CALN1: variants seen among roughly 807,000 people sequenced by gnomAD.
The protein encoded by CALN1 is calcium-binding protein 8.
CALN1 carries 17 observed loss-of-function variants against 30.6 expected under a neutral mutation model. The ratio of observed to expected loss-of-function variants is 0.56; its 90% CI spans 0.38 to 0.83. CALN1 has a LOEUF of 0.83. Among genes scored for constraint, CALN1 ranks in the 40% least tolerant of loss-of-function variants. The probability of loss-of-function intolerance (pLI) is 0.00; values close to 1 mark genes in which losing one functional copy is unlikely to be tolerated. For missense variants in CALN1, 291 were observed against 354.9 expected (o/e 0.82, Z 1.45); for synonymous variants, 156 against 131.4 (o/e 1.19, Z -1.28).
intron 4 of CALN1, among the ~76,000 whole-genome samples, chr7:72,092,758 A>G (rs780490025): frequency 6.6e-6 from 1 of 152,092 alleles, no homozygotes. Context: ...ACCCTTTGAT[A>G]ATAATCATGG....
intron 2 of CALN1, among the ~76,000 whole-genome samples, chr7:72,341,499 G>A (rs933137756): frequency 2.0e-5 from 3 of 151,988 alleles, no homozygotes; most frequent in Non-Finnish European, 2.9e-5. Flanking sequence ...CTCCAGTCTG[G>A]GCAACAGAGC....
chr7:72,270,453 T>C (rs967925249), intron 3 of CALN1, among the ~76,000 whole-genome samples: 8 of 152,196 alleles, frequency 5.3e-5, no homozygotes, highest in Non-Finnish European at 1.0e-4. Flanking sequence ...TATTTGTATA[T>C]ACACAAAAAA....
intron 1 of CALN1, among the ~76,000 whole-genome samples, chr7:72,430,603 C>T (rs2129563999): frequency 1.3e-5 from 2 of 152,274 alleles, no homozygotes; most frequent in East Asian, 3.9e-4. Flanking sequence ...AGCCTGCTCA[C>T]ACACAGGTGA....
chr7:72,186,373 A>G (rs770181074), intron 3 of CALN1, among the ~76,000 whole-genome samples: 4 of 152,088 alleles, frequency 2.6e-5, no homozygotes, highest in Non-Finnish European at 5.9e-5. Flanking sequence ...GAAGACAGCA[A>G]GAGTGGAAGT....
intron 4 of CALN1, among the ~76,000 whole-genome samples, chr7:72,054,001 G>A (rs577001007): frequency 1.3e-5 from 2 of 152,032 alleles, no homozygotes; most frequent in Admixed American, 1.3e-4. Context: ...GTATTCCATC[G>A]TATATATAGA....
chr7:71,872,850 G>C (rs374601418), intron 5 of CALN1, among the ~76,000 whole-genome samples: 15 of 151,590 alleles, frequency 9.9e-5, no homozygotes, highest in African/African-American at 3.6e-4. Flanking sequence ...TTGAGCTCAA[G>C]CCATCCTCCC....
At chr7:71,980,756 T>G (rs1427171502) in intron 5 of CALN1, among the ~76,000 whole-genome samples, 1 of 152,012 alleles carries the variant, frequency 6.6e-6, no homozygotes, top group Non-Finnish European at 1.5e-5. Context: ...TGCAGAAAAT[T>G]GCCCTGAAAC....
intron 5 of CALN1, among the ~76,000 whole-genome samples, chr7:71,873,205 C>T (rs993818581): frequency 7.9e-5 from 12 of 151,536 alleles, no homozygotes; most frequent in African/African-American, 1.7e-4. Flanking sequence ...GGTTTCACCA[C>T]GTTGGCCAGC....
chr7:71,960,281 T>A (rs936168992), intron 5 of CALN1, among the ~76,000 whole-genome samples: 1 of 152,202 alleles, frequency 6.6e-6, no homozygotes, highest in Non-Finnish European at 1.5e-5. Context: ...ATCTGGACAG[T>A]GTACACTGTA....
chr7:72,200,721 CAAT>C (rs934760065), intron 3 of CALN1, among the ~76,000 whole-genome samples: 2 of 152,086 alleles, frequency 1.3e-5, no homozygotes, highest in African/African-American at 2.4e-5. Context: ...CAGCAGCAAA[CAAT>C]GATGATGGCT....
intron 4 of CALN1, among the ~76,000 whole-genome samples, chr7:72,041,948 A>T (rs1244515625): frequency 2.0e-5 from 3 of 152,074 alleles, no homozygotes; most frequent in Non-Finnish European, 4.4e-5. Context: ...TGGAACTATG[A>T]GTCCATTAAA....
chr7:72,490,694 C>T, the CALN1 span, among the ~76,000 whole-genome samples: 14 of 152,134 alleles, frequency 9.2e-5, no homozygotes, highest in Non-Finnish European at 1.5e-4. Flanking sequence ...GTGTGTAGTA[C>T]TTCCCCTTTG....
chr7:71,891,333 A>T (rs7794982), intron 5 of CALN1, among the ~76,000 whole-genome samples: 2 of 152,150 alleles, frequency 1.3e-5, no homozygotes, highest in Non-Finnish European at 2.9e-5. Context: ...CTGCTTCCCA[A>T]TTGCTTTTCA....
At chr7:72,200,097 C>T (rs1160363684) in intron 3 of CALN1, among the ~76,000 whole-genome samples, 5 of 152,152 alleles carry the variant, frequency 3.3e-5, no homozygotes, top group African/African-American at 1.2e-4. Flanking sequence ...CACTATATCT[C>T]ACCTTTCTTC....
intron 6 of CALN1, among the ~76,000 whole-genome samples, chr7:71,790,368 A>AAAAGAAAGAAAGAAAGAAAG (rs66616944): frequency 1.3e-4 from 16 of 123,796 alleles, no homozygotes; most frequent in East Asian, 5.6e-4. Flanking sequence ...AGAAAGAAAG[A>AAAAGAAAGAAAGAAAGAAAG]AAAGAAAGAA....
chr7:72,006,152 G>C (rs1343923868), intron 5 of CALN1, among the ~76,000 whole-genome samples: 1 of 152,292 alleles, frequency 6.6e-6, no homozygotes, highest in Middle Eastern at 3.4e-3. Flanking sequence ...AGCTTGCATA[G>C]TGCCAGATTT....
chr7:72,398,717 TA>T (rs1273951317), intron 2 of CALN1, among the ~76,000 whole-genome samples: 6 of 152,248 alleles, frequency 3.9e-5, no homozygotes, highest in Non-Finnish European at 5.9e-5. Flanking sequence ...CTGCTCCTCT[TA>T]GGGGTCCTGG....
At chr7:71,884,618 C>T (rs1224519640) in intron 5 of CALN1, among the ~76,000 whole-genome samples, 1 of 151,984 alleles carries the variant, frequency 6.6e-6, no homozygotes, top group Non-Finnish European at 1.5e-5. Flanking sequence ...AAATCTTGCG[C>T]AAATTCCCAG....
In CALN1 at chr7:72,117,380, A is replaced by G. The variant is rs959406; in HGVS notation, c.245-11086T>C. Among the ~76,000 whole-genome samples the G allele has an allele frequency of 6.2e-3, 947 of 152,312 alleles. 11 individuals carry two copies. Among genetic ancestry groups the G allele is most frequent in the African/African-American group, 0.021 (864 of 41,566 alleles). ...TGAAGTCTCATAGATGGCAGCCCTCAGAGAGCATGTGATGCTATACCGGTC... is the reference window on the plus strand; with the variant it reads ...TGAAGTCTCATAGATGGCAGCCCTCGGAGAGCATGTGATGCTATACCGGTC... On this transcript the variant is annotated intron_variant, in intron 3 of 6. Transcript: ENST00000395275.
Sources: allele counts gnomAD v4.1 joint callset (sites outside exome capture counted in the v4.1 genomes callset), GRCh38; gene constraint gnomAD v4.1.1; transcripts MANE v1.5; gene names NCBI Gene and HGNC (gene_info 2026-07-23, HGNC 2026-07-21).